Variants in NCALD observed in about 807,000 individuals in gnomAD.
NCALD encodes the protein neurocalcin delta.
In NCALD, 10 loss-of-function variants were observed where a neutral mutation model predicts 18.6. The ratio of observed to expected loss-of-function variants is 0.54; its 90% CI spans 0.33 to 0.91. NCALD has a LOEUF of 0.91. Among genes scored for constraint, NCALD ranks in the 40% least tolerant of loss-of-function variants. The pLI, the probability that NCALD is intolerant of heterozygous loss-of-function variation, is 0.03. For missense variants in NCALD, 184 were observed against 247.6 expected, an observed-to-expected ratio of 0.74 and a Z score of 1.72; for synonymous variants, 88 against 87.4, an observed-to-expected ratio of 1.01 and a Z score of -0.04.
At chr8:101,885,474 C>T (rs1211136130) in intron 4 of NCALD, among the ~76,000 whole-genome samples, 1 of 152,180 alleles carries the variant, frequency 6.6e-6, no homozygotes, top group African/African-American at 2.4e-5. Flanking sequence ...TCTTCCCTGC[C>T]TTGCCCACTA....
Position 101,848,332 on chromosome 8 carries a change from G to C in NCALD, c.-20+38809C>G, listed in dbSNP as rs7835282. ...GAAAGGTGGAAAGTGAAGTGGCTTGGATACTATAAAATAATTTTAGAATGA... is the reference window on the plus strand; with the variant it reads ...GAAAGGTGGAAAGTGAAGTGGCTTGCATACTATAAAATAATTTTAGAATGA... On this transcript the variant is annotated intron_variant, in intron 4 of 6. Coordinates refer to the NCALD transcript ENST00000311028. Among the ~76,000 whole-genome samples the C allele has an allele frequency of 6.4e-3, 978 of 152,160 alleles. 14 individuals carry two copies. The highest frequency in any genetic ancestry group is 0.022 in the African/African-American group (927 of 41,508).
At chr8:101,706,019 C>T (rs534046628) in intron 2 of NCALD, among the ~76,000 whole-genome samples, 1 of 152,140 alleles carries the variant, frequency 6.6e-6, no homozygotes, top group East Asian at 1.9e-4. Flanking sequence ...CACAGTAACT[C>T]GAGAATGTCT....
intron 1 of NCALD, among the ~76,000 whole-genome samples, chr8:102,123,099 A>G (rs1276554899): frequency 6.6e-6 from 1 of 152,244 alleles, no homozygotes; most frequent in African/African-American, 2.4e-5. Flanking sequence ...AAACCTCACA[A>G]GCATTTCCAC....
chr8:102,065,099 G>T (rs1360322137), intron 1 of NCALD, among the ~76,000 whole-genome samples: 4 of 151,882 alleles, frequency 2.6e-5, no homozygotes, highest in Admixed American at 2.6e-4. Context: ...AGCAGTAGGG[G>T]CTTTGAGGGC....
intron 1 of NCALD, among the ~76,000 whole-genome samples, chr8:101,724,644 C>G (rs936093157): frequency 6.6e-6 from 1 of 152,228 alleles, no homozygotes; most frequent in Non-Finnish European, 1.5e-5. Context: ...GATGCCTTAT[C>G]CTAGATGATC....
At chr8:101,737,357 C>T (rs553233923) in intron 1 of NCALD, among the ~76,000 whole-genome samples, 1 of 152,226 alleles carries the variant, frequency 6.6e-6, no homozygotes, top group Non-Finnish European at 1.5e-5. Flanking sequence ...TCACTGTCTT[C>T]ACTGTCTCCC....
chr8:101,920,254 C>A (rs1379203438), intron 2 of NCALD, among the ~76,000 whole-genome samples: 1 of 151,990 alleles, frequency 6.6e-6, no homozygotes. Context: ...GAGACCTTGT[C>A]TCAAGGGGGA....
intron 1 of NCALD, among the ~76,000 whole-genome samples, chr8:102,040,025 G>A (rs993557551): frequency 2.6e-5 from 4 of 152,122 alleles, no homozygotes; most frequent in Admixed American, 2.6e-4. Context: ...TACATATTAT[G>A]TAGCCTCAGG....
intron 1 of NCALD, among the ~76,000 whole-genome samples, chr8:102,072,159 CA>C (rs1824197315): frequency 6.6e-6 from 1 of 152,100 alleles, no homozygotes; most frequent in Non-Finnish European, 1.5e-5. Flanking sequence ...AGAAATTAAA[CA>C]TATGAAAAGG....
intron 2 of NCALD, among the ~76,000 whole-genome samples, chr8:102,010,977 C>A (rs181135969): frequency 5.9e-5 from 9 of 152,280 alleles, no homozygotes; most frequent in Non-Finnish European, 1.2e-4. Context: ...CTGTGAATTT[C>A]TTCAGGGAAG....
At chr8:102,025,651 G>A (rs763234851) in intron 1 of NCALD, among the ~76,000 whole-genome samples, 10 of 152,292 alleles carry the variant, frequency 6.6e-5, no homozygotes, top group East Asian at 1.9e-4. Flanking sequence ...GATATATAAC[G>A]CATTTCCATC....
chr8:102,020,952 C>G (rs969559489), intron 1 of NCALD, among the ~76,000 whole-genome samples: 3 of 152,182 alleles, frequency 2.0e-5, no homozygotes, highest in Non-Finnish European at 4.4e-5. Context: ...TCCTTCCCCA[C>G]TCACCTCCAC....
chr8:101,885,154 T>A (rs1267545331), intron 4 of NCALD, among the ~76,000 whole-genome samples: 1 of 152,182 alleles, frequency 6.6e-6, no homozygotes, highest in Non-Finnish European at 1.5e-5. Context: ...AGTACAGATT[T>A]CTTGGGGACC....
intron 2 of NCALD, among the ~76,000 whole-genome samples, chr8:101,694,823 G>A (rs746175463): frequency 5.2e-4 from 79 of 152,262 alleles, no homozygotes; most frequent in Middle Eastern, 3.4e-3. Context: ...AGTTCTTGGG[G>A]GAGCTAGGAA....
intron 4 of NCALD, among the ~76,000 whole-genome samples, chr8:101,880,077 TG>T (rs1474898332): frequency 3.2e-4 from 1 of 3,096 alleles, no homozygotes; most frequent in Non-Finnish European, 5.6e-4. Flanking sequence ...GCCCATGGTG[TG>T]GGGGGGAGGG....
At chr8:102,118,839 T>C (rs1825865023) in intron 1 of NCALD, among the ~76,000 whole-genome samples, 2 of 152,240 alleles carry the variant, frequency 1.3e-5, no homozygotes, top group South Asian at 4.1e-4. Flanking sequence ...GTTTAAACTC[T>C]ACCACTATTT....
chr8:101,838,758 T>C (rs934753126), intron 4 of NCALD, among the ~76,000 whole-genome samples: 5 of 152,238 alleles, frequency 3.3e-5, no homozygotes, highest in East Asian at 1.9e-4. Context: ...GTATGTTTTA[T>C]TTAAAGTTGC....
chr8:102,006,310 CTTT>C (rs531414926), intron 2 of NCALD, among the ~76,000 whole-genome samples: 1 of 146,590 alleles, frequency 6.8e-6, no homozygotes, highest in African/African-American at 2.5e-5. Context: ...CATTGGTTCT[CTTT>C]TTTTTTTTAA....
At chr8:101,905,393 C>T (rs1239419184) in intron 3 of NCALD, among the ~76,000 whole-genome samples, 3 of 151,976 alleles carry the variant, frequency 2.0e-5, no homozygotes, top group Admixed American at 2.0e-4. Flanking sequence ...CTTCTCCAGC[C>T]TCCCAATCAC....
Sources: allele counts gnomAD v4.1 joint callset (sites outside exome capture counted in the v4.1 genomes callset), GRCh38; gene constraint gnomAD v4.1.1; transcripts MANE v1.5; gene names NCBI Gene and HGNC (gene_info 2026-07-23, HGNC 2026-07-21).